Variants in SLC35F4 observed in about 807,000 individuals in gnomAD.
SLC35F4 encodes solute carrier family 35 member F4.
A neutral mutation model predicts 44.2 loss-of-function variants in SLC35F4; 24 were observed. The ratio of observed to expected loss-of-function variants is 0.54; its 90% CI spans 0.39 to 0.76. The LOEUF (loss-of-function observed/expected upper bound fraction) is 0.76, where lower values mean the gene tolerates loss of function less well. Ranked by LOEUF, SLC35F4 falls within the 30% of genes least tolerant of loss-of-function variation. The pLI is 0.00. For missense variants in SLC35F4, 562 were observed against 586.1 expected, an observed-to-expected ratio of 0.96 and a Z score of 0.42; for synonymous variants, 238 against 223.6, an observed-to-expected ratio of 1.06 and a Z score of -0.57.
chr14:57,578,454 T>G (rs2068982814), intron 4 of SLC35F4, among the ~76,000 whole-genome samples: 1 of 150,782 alleles, frequency 6.6e-6, no homozygotes, highest in African/African-American at 2.4e-5. Flanking sequence ...TTGTCAGTGC[T>G]GTTTGCCCTC....
At chr14:57,794,685 T>G (rs1156633244) in intron 1 of SLC35F4, among the ~76,000 whole-genome samples, 2 of 152,106 alleles carry the variant, frequency 1.3e-5, no homozygotes, top group African/African-American at 4.8e-5. Flanking sequence ...TTCTTTTAGA[T>G]TTCCAATGTC....
chr14:57,578,246 C>T (rs1594916968), intron 4 of SLC35F4, among the ~76,000 whole-genome samples: 2 of 144,356 alleles, frequency 1.4e-5, no homozygotes, highest in South Asian at 4.4e-4. Context: ...CAACAAACAT[C>T]TGTTTCTAAA....
intron 1 of SLC35F4, among the ~76,000 whole-genome samples, chr14:57,950,120 T>A (rs1232576785): frequency 6.6e-6 from 1 of 152,138 alleles, no homozygotes; most frequent in Non-Finnish European, 1.5e-5. Flanking sequence ...CTCAAATATG[T>A]TTTTCAAACT....
chr14:57,722,369 A>G (rs1272351687), intron 1 of SLC35F4, among the ~76,000 whole-genome samples: 1 of 152,192 alleles, frequency 6.6e-6, no homozygotes, highest in Non-Finnish European at 1.5e-5. Context: ...GGGAGATTAG[A>G]ATGGTGGAGT....
At chr14:57,900,609 A>G (rs952913680) in intron 1 of SLC35F4, among the ~76,000 whole-genome samples, 6 of 152,158 alleles carry the variant, frequency 3.9e-5, no homozygotes, top group African/African-American at 1.4e-4. Context: ...AGAATGCCTA[A>G]CAAGGCACAG....
At chr14:57,651,582 C>G (rs577560894) in intron 1 of SLC35F4, among the ~76,000 whole-genome samples, 1 of 152,212 alleles carries the variant, frequency 6.6e-6, no homozygotes, top group African/African-American at 2.4e-5. Flanking sequence ...GCAAGAGGAA[C>G]CAGGACTGGC....
At chr14:57,772,498 G>A (rs1315256941) in intron 1 of SLC35F4, among the ~76,000 whole-genome samples, 1 of 152,050 alleles carries the variant, frequency 6.6e-6, no homozygotes, top group Non-Finnish European at 1.5e-5. Context: ...GTACCTAATA[G>A]GTAATTTTTC....
intron 1 of SLC35F4, among the ~76,000 whole-genome samples, chr14:57,677,810 A>C (rs1477338329): frequency 6.6e-6 from 1 of 152,098 alleles, no homozygotes; most frequent in East Asian, 1.9e-4. Flanking sequence ...AATAAAAAAA[A>C]AATTATTAAT....
intron 1 of SLC35F4, among the ~76,000 whole-genome samples, chr14:57,947,782 G>A (rs1830069926): frequency 6.6e-6 from 1 of 152,198 alleles, no homozygotes; most frequent in Non-Finnish European, 1.5e-5. Context: ...CTATTGAGAT[G>A]ATCATATGAT....
intron 1 of SLC35F4, among the ~76,000 whole-genome samples, chr14:57,971,542 TTCAGCTGTTTA>T (rs1169588467): frequency 1.3e-5 from 2 of 152,226 alleles, no homozygotes; most frequent in African/African-American, 2.4e-5. Flanking sequence ...CCAAGCTGAT[TTCAGCTGTTTA>T]TCAGCTGTTT....
chr14:57,845,343 G>T (rs573154804), intron 1 of SLC35F4, among the ~76,000 whole-genome samples: 2 of 152,260 alleles, frequency 1.3e-5, no homozygotes, highest in Non-Finnish European at 1.5e-5. Flanking sequence ...CTCTAACATG[G>T]TAATAACACC....
chr14:57,778,634 T>A (rs1327178345), intron 1 of SLC35F4, among the ~76,000 whole-genome samples: 3 of 151,970 alleles, frequency 2.0e-5, no homozygotes, highest in Non-Finnish European at 2.9e-5. Flanking sequence ...CTAATAGACA[T>A]CTACAGAACG....
At chr14:57,637,128 T>A (rs1182731396) in intron 1 of SLC35F4, among the ~76,000 whole-genome samples, 1 of 152,126 alleles carries the variant, frequency 6.6e-6, no homozygotes, top group Non-Finnish European at 1.5e-5. Context: ...TTAATTCCAA[T>A]TTATAGATGA....
chr14:57,656,332 G>A (rs1333181304), intron 1 of SLC35F4, among the ~76,000 whole-genome samples: 1 of 137,832 alleles, frequency 7.3e-6, no homozygotes, highest in African/African-American at 2.8e-5. Context: ...ATATATGCTT[G>A]AGGACACACA....
intron 1 of SLC35F4, among the ~76,000 whole-genome samples, chr14:57,813,969 GTGGGAATTAGAGCCATTC>G (rs971105202): frequency 5.3e-5 from 8 of 152,226 alleles, no homozygotes; most frequent in Non-Finnish European, 1.0e-4. Context: ...AGCATTAGCG[GTGGGAATTAGAGCCATTC>G]TGTTTTTAAC....
intron 1 of SLC35F4, among the ~76,000 whole-genome samples, chr14:57,780,204 GC>G (rs2077583578): frequency 6.6e-6 from 1 of 152,014 alleles, no homozygotes; most frequent in South Asian, 2.1e-4. Flanking sequence ...TGGCCCAAAA[GC>G]TCCTTCAGCT....
chr14:57,597,643 A>C (rs2070572858), intron 1 of SLC35F4, among the ~76,000 whole-genome samples: 1 of 152,188 alleles, frequency 6.6e-6, no homozygotes, highest in Non-Finnish European at 1.5e-5. Context: ...GCTCTGTGGA[A>C]GGTCACATCA....
At chr14:57,629,489 C>T (rs761293684) in intron 1 of SLC35F4, among the ~76,000 whole-genome samples, 12 of 152,008 alleles carry the variant, frequency 7.9e-5, no homozygotes, top group African/African-American at 2.9e-4. Context: ...GAAGAACATA[C>T]AATATCTTCC....
intron 1 of SLC35F4, among the ~76,000 whole-genome samples, chr14:57,615,632 C>G (rs879414021): frequency 6.7e-6 from 1 of 150,124 alleles, no homozygotes; most frequent in Non-Finnish European, 1.5e-5. Flanking sequence ...AAAAAAAATA[C>G]TGCTCATAAT....
Sources: gnomAD v4.1 joint callset for allele counts (sites outside exome capture counted in the v4.1 genomes callset) on GRCh38, gnomAD v4.1.1 for gene constraint, MANE v1.5 for transcripts, NCBI Gene and HGNC (gene_info 2026-07-23, HGNC 2026-07-21) for gene names.